The following CUX2 variants were observed in gnomAD, a reference collection of about 807,000 sequenced individuals.
CUX2 encodes the protein homeobox protein cut-like 2.
A neutral mutation model predicts 144.8 loss-of-function variants in CUX2; 40 were observed. The observed-to-expected ratio is 0.28, with a 90% CI of 0.21 to 0.36. The LOEUF (loss-of-function observed/expected upper bound fraction) is 0.36. Ranked by LOEUF, CUX2 falls within the 10% of genes least tolerant of loss-of-function variation. The pLI is 1.00. For missense variants in CUX2, 1,615 were observed against 1,994.0 expected, an observed-to-expected ratio of 0.81 and a Z score of 3.62; for synonymous variants, 827 against 875.6, an observed-to-expected ratio of 0.94 and a Z score of 0.98.
chr12:111,346,545 CATT>C (rs1288965480), intron 21 of CUX2, among the ~76,000 whole-genome samples: 1 of 151,908 alleles, frequency 6.6e-6, no homozygotes, highest in Non-Finnish European at 1.5e-5. Context: ...GATAAGCGCC[CATT>C]ATTATTATGT....
At chr12:111,251,138 T>C (rs1363467194) in intron 3 of CUX2, among the ~76,000 whole-genome samples, 1 of 152,230 alleles carries the variant, frequency 6.6e-6, no homozygotes, top group Non-Finnish European at 1.5e-5. Flanking sequence ...CCCTGGCTTA[T>C]ACAATTTTAA....
intron 8 of CUX2, 71 bp downstream of exon 8, chr12:111,296,610 T>A: frequency 7.0e-7 from 1 of 1,425,322 alleles, no homozygotes. Flanking sequence ...CTTCTGACCC[T>A]CCAGTACTTG....
intron 1 of CUX2, among the ~76,000 whole-genome samples, chr12:111,145,313 T>A (rs1876598863): frequency 6.6e-6 from 1 of 152,220 alleles, no homozygotes; most frequent in African/African-American, 2.4e-5. Flanking sequence ...CTATGAGGAA[T>A]GTATTCAGCT....
intron 1 of CUX2, among the ~76,000 whole-genome samples, chr12:111,173,792 CAG>C (rs925731824): frequency 3.3e-5 from 5 of 152,194 alleles, no homozygotes; most frequent in Non-Finnish European, 7.4e-5. Flanking sequence ...GCTCTACCCT[CAG>C]AGTTTCTGAT....
At chr12:111,046,691 C>G (rs1307068143) in intron 1 of CUX2, among the ~76,000 whole-genome samples, 3 of 152,172 alleles carry the variant, frequency 2.0e-5, no homozygotes, top group African/African-American at 7.2e-5. Context: ...GAGTCTGGCT[C>G]TGTCGCCCAG....
intron 3 of CUX2, among the ~76,000 whole-genome samples, chr12:111,239,279 G>C (rs926016620): frequency 6.6e-6 from 1 of 152,144 alleles, no homozygotes; most frequent in Non-Finnish European, 1.5e-5. Context: ...GAAAAAAAAA[G>C]TTGGTTTGCA....
At chr12:111,191,826 G>T (rs566088713) in intron 1 of CUX2, among the ~76,000 whole-genome samples, 4 of 152,136 alleles carry the variant, frequency 2.6e-5, no homozygotes, top group African/African-American at 9.7e-5. Flanking sequence ...AGAGGCCAGT[G>T]TCACCCCACC....
At chr12:111,105,453 A>G (rs1007974032) in intron 1 of CUX2, among the ~76,000 whole-genome samples, 2 of 152,236 alleles carry the variant, frequency 1.3e-5, no homozygotes, top group Admixed American at 6.5e-5. Flanking sequence ...TTTGAAATTC[A>G]GGAGAGGGCT....
At chr12:111,229,381 T>A (rs1038449671) in intron 3 of CUX2, among the ~76,000 whole-genome samples, 36 of 152,104 alleles carry the variant, frequency 2.4e-4, no homozygotes, top group Admixed American at 2.6e-4. Context: ...CAGGAGGCCT[T>A]CAGACATCCA....
rs1885814905 is a variant in CUX2 at position 111,293,661 on chromosome 12, A to G, written c.560+92A>G. On this transcript the variant is annotated intron_variant, in intron 6 of 21. Coordinates refer to ENST00000261726, the MANE Select transcript of CUX2 (RefSeq NM_015267.4). This position sits in a 1 kb window ranked among gnomAD's most constrained non-coding sequence, Gnocchi z 4.5. Reference sequence around the variant, plus strand: ...GGGTCGTGGACGGGGAAAGTCTCCTACCAGAATCCAGATGCAGGCTGGAGA... The same window carrying G: ...GGGTCGTGGACGGGGAAAGTCTCCTGCCAGAATCCAGATGCAGGCTGGAGA... The G allele has an allele frequency of 1.4e-6, 2 of 1,470,926 alleles. No homozygotes were observed. The highest frequency in any genetic ancestry group is 1.8e-6 in the Non-Finnish European group (2 of 1,101,236). The allele number at this position is 1,470,926 out of a possible 1,614,324, so 91.1% of individuals were successfully genotyped here.
At chr12:111,145,120 T>C (rs1876584420) in intron 1 of CUX2, among the ~76,000 whole-genome samples, 1 of 152,220 alleles carries the variant, frequency 6.6e-6, no homozygotes, top group South Asian at 2.1e-4. Flanking sequence ...TGCAACCCTC[T>C]TTCCTCGAGC....
At chr12:111,157,789 G>C (rs1282895187) in intron 1 of CUX2, among the ~76,000 whole-genome samples, 1 of 152,192 alleles carries the variant, frequency 6.6e-6, no homozygotes, top group Non-Finnish European at 1.5e-5. Flanking sequence ...GAGTGGGGAA[G>C]ATGAAGAATC....
intron 4 of CUX2, among the ~76,000 whole-genome samples, chr12:111,271,011 C>T (rs1040201523): frequency 2.0e-5 from 3 of 152,154 alleles, no homozygotes; most frequent in Non-Finnish European, 2.9e-5. Flanking sequence ...CGTGAGGATT[C>T]GCTACGCTGT....
At chr12:111,325,281 G>A (rs1342218195) in intron 18 of CUX2, among the ~76,000 whole-genome samples, 1 of 147,838 alleles carries the variant, frequency 6.8e-6, no homozygotes, top group Non-Finnish European at 1.5e-5. Context: ...GCGACAGAGC[G>A]AGACTCCGTC....
At chr12:111,069,537 T>TGTGTGTGTGTGTGTGTGTGCGCGCGC (rs1871169779) in intron 1 of CUX2, among the ~76,000 whole-genome samples, 1 of 134,808 alleles carries the variant, frequency 7.4e-6, no homozygotes, top group South Asian at 2.1e-4. Flanking sequence ...TGTGTGTGTG[T>TGTGTGTGTGTGTGTGTGTGCGCGCGC]GTGTGTGTGT....
intron 1 of CUX2, among the ~76,000 whole-genome samples, chr12:111,161,694 C>T (rs1877777863): frequency 3.9e-5 from 6 of 152,178 alleles, no homozygotes. Context: ...GTTCTCTTAG[C>T]TCTCACACTC....
At position 111,139,309 on chromosome 12, in the gene CUX2, TAGG is replaced by T. The variant is rs572420346; in HGVS notation, c.64-74885_64-74883del. Among the ~76,000 whole-genome samples the T allele has an allele frequency of 2.0e-4, 30 of 151,934 alleles. No homozygotes were observed. The South Asian group carries it at 6.1e-3, about 31-fold the overall frequency. On this transcript the variant is annotated intron_variant, in intron 1 of 21. Coordinates refer to ENST00000261726, the MANE Select transcript of CUX2 (RefSeq NM_015267.4). ...GCCCGAGTGGTCCACAAGTGCTCAATAGGAGGAGAATGGATGGGGTTTGGGAGA... is the reference window on the plus strand; with the variant it reads ...GCCCGAGTGGTCCACAAGTGCTCAATAGGAGAATGGATGGGGTTTGGGAGA...
chr12:111,110,138 C>T (rs1873855164), intron 1 of CUX2, among the ~76,000 whole-genome samples: 1 of 152,050 alleles, frequency 6.6e-6, no homozygotes, highest in Non-Finnish European at 1.5e-5. Context: ...CCACCTCAGC[C>T]TCCTGAAGTG....
intron 1 of CUX2, among the ~76,000 whole-genome samples, chr12:111,053,920 C>T (rs1870397848): frequency 6.6e-6 from 1 of 152,092 alleles, no homozygotes; most frequent in African/African-American, 2.4e-5. Context: ...TTTGGGAGGC[C>T]ACGGCGGGTG....
Sources: gnomAD v4.1 joint callset for allele counts (sites outside exome capture counted in the v4.1 genomes callset) on GRCh38, gnomAD v4.1.1 for gene constraint, Gnocchi (gnomAD v3.1) non-coding constraint, MANE v1.5 for transcripts, NCBI Gene and HGNC (gene_info 2026-07-23, HGNC 2026-07-21) for gene names.